The following CNTNAP2 variants were observed in gnomAD, a reference collection of about 807,000 sequenced individuals.
CNTNAP2 encodes the protein contactin-associated protein-like 2.
Under a neutral mutation model 155.2 loss-of-function variants are expected in CNTNAP2, and 98 were observed. That is an observed-to-expected ratio of 0.63 (90% CI 0.54 to 0.75). CNTNAP2 has a LOEUF of 0.75. CNTNAP2 is among the 30% of genes least tolerant of loss of function. The pLI, the probability that CNTNAP2 is intolerant of heterozygous loss-of-function variation, is 0.00. For synonymous variants in CNTNAP2, 651 were observed against 631.2 expected, an observed-to-expected ratio of 1.03 and a Z score of -0.47; for missense variants, 1,727 against 1,688.1, an observed-to-expected ratio of 1.02 and a Z score of -0.40.
chr7:148,308,373 T>A (rs769224125), intron 21 of CNTNAP2, among the ~76,000 whole-genome samples: 7 of 152,080 alleles, frequency 4.6e-5, no homozygotes, highest in Non-Finnish European at 1.0e-4. Flanking sequence ...AACTGTATTC[T>A]CAACAACTAC....
intron 8 of CNTNAP2, among the ~76,000 whole-genome samples, chr7:147,177,007 A>C (rs1194942719): frequency 4.3e-5 from 6 of 141,080 alleles, no homozygotes; most frequent in African/African-American, 8.0e-5. Context: ...ATCTATAATT[A>C]TATATAATTC....
chr7:147,174,365 C>T (rs886201842), intron 8 of CNTNAP2, among the ~76,000 whole-genome samples: 6 of 152,056 alleles, frequency 3.9e-5, no homozygotes, highest in Non-Finnish European at 7.4e-5. Context: ...TCAATCCTTC[C>T]TAATTTTGAC....
Position 147,805,085 on chromosome 7 carries a change from T to TA in CNTNAP2, c.2099-98480_2099-98479insA, listed in dbSNP as rs532802314. Among the ~76,000 whole-genome samples the TA allele has an allele frequency of 5.9e-5, 9 of 152,052 alleles. No individual in the cohort carries two copies. The South Asian group carries it at 1.9e-3, about 32-fold the overall frequency. On this transcript the variant is annotated intron_variant, in intron 13 of 23. Coordinates refer to ENST00000361727, the MANE Select transcript of CNTNAP2 (RefSeq NM_014141.6). ...AAATGATTCAATATCATTTTTTTTT[T>TA]TTTGAGACGGAGCCTGAGTTTTGTT...
intron 1 of CNTNAP2, among the ~76,000 whole-genome samples, chr7:146,559,829 C>T (rs533900209): frequency 7.4e-6 from 1 of 134,614 alleles, no homozygotes; most frequent in East Asian, 2.2e-4. Context: ...TTGATGAATG[C>T]TGTTGTCATT....
intron 4 of CNTNAP2, among the ~76,000 whole-genome samples, chr7:147,076,096 G>A (rs1052821006): frequency 3.3e-5 from 5 of 152,152 alleles, no homozygotes; most frequent in African/African-American, 1.2e-4. Context: ...AAACATACGT[G>A]TGCAAGTGTC....
At position 147,980,572 on chromosome 7, in the gene CNTNAP2, AC is replaced by A. The variant is rs541127445; in HGVS notation, c.2383+2585del. Among the ~76,000 whole-genome samples the A allele has an allele frequency of 3.6e-3, 550 of 152,184 alleles. 4 individuals carry two copies. The highest frequency in any genetic ancestry group is 0.017 in the Middle Eastern group (5 of 294). ...CCAGGCAACCGAGAATAAGTATCCTACCTGGTACTCGAATTGCCTGGTAGCA... is the reference window on the plus strand; with the variant it reads ...CCAGGCAACCGAGAATAAGTATCCTACTGGTACTCGAATTGCCTGGTAGCA... On this transcript the variant is annotated intron_variant, in intron 15 of 23. Coordinates refer to ENST00000361727, the MANE Select transcript of CNTNAP2 (RefSeq NM_014141.6).
chr7:146,495,474 C>T (rs1797200281), intron 1 of CNTNAP2, among the ~76,000 whole-genome samples: 1 of 151,286 alleles, frequency 6.6e-6, no homozygotes, highest in Non-Finnish European at 1.5e-5. Context: ...TTCATCTCCT[C>T]GTTTTCAGTT....
intron 3 of CNTNAP2, among the ~76,000 whole-genome samples, chr7:146,932,387 C>A (rs1174543563): frequency 2.0e-5 from 3 of 151,524 alleles, no homozygotes; most frequent in African/African-American, 4.9e-5. Context: ...AATTCAACAA[C>A]CCTTCATGCT....
intron 1 of CNTNAP2, among the ~76,000 whole-genome samples, chr7:146,323,239 TA>T (rs1463556087): frequency 2.0e-4 from 31 of 152,230 alleles, no homozygotes; most frequent in Admixed American, 2.0e-3. Context: ...TTGAGAATGT[TA>T]TTTTTTTCCT....
intron 1 of CNTNAP2, among the ~76,000 whole-genome samples, chr7:146,774,017 G>T (rs1156600950): frequency 6.6e-6 from 1 of 152,140 alleles, no homozygotes; most frequent in Non-Finnish European, 1.5e-5. Context: ...TTCTCAGATA[G>T]CAAGACTGAG....
In CNTNAP2 at chr7:146,795,264, C is replaced by T. The variant is rs145246587; in HGVS notation, c.208+20883C>T. 5.7e-3 allele frequency among the ~76,000 whole-genome samples: 868 copies of T among 152,246 alleles called. 6 individuals are homozygous for T. Among genetic ancestry groups the T allele is most frequent in the African/African-American group, 0.017 (691 of 41,534 alleles). On this transcript the variant is annotated intron_variant, in intron 2 of 23. Transcript: ENST00000361727. Reference sequence around the variant, plus strand: ...TGATGGTATTTTAAACCATTCAGTTCTGTATATCGACATTTTGCCAACACT... The same window carrying T: ...TGATGGTATTTTAAACCATTCAGTTTTGTATATCGACATTTTGCCAACACT...
chr7:148,269,921 T>A (rs34531576), intron 21 of CNTNAP2, among the ~76,000 whole-genome samples: 54,441 of 152,140 alleles, frequency 0.36, 11,497 homozygotes, highest in East Asian at 0.6. Context: ...TATGATATGG[T>A]GATGTTCCTA....
chr7:147,389,063 A>G (rs1318809622), intron 9 of CNTNAP2, among the ~76,000 whole-genome samples: 1 of 151,974 alleles, frequency 6.6e-6, no homozygotes, highest in Non-Finnish European at 1.5e-5. Flanking sequence ...CCCCTGGACT[A>G]CTCTATCTTC....
At chr7:146,209,200 C>T (rs949899979) in intron 1 of CNTNAP2, among the ~76,000 whole-genome samples, 1 of 152,090 alleles carries the variant, frequency 6.6e-6, no homozygotes, top group East Asian at 1.9e-4. Context: ...TTCAGCCTTC[C>T]ATTGGCCCTC....
chr7:148,029,359 T>G (rs925676398), intron 15 of CNTNAP2, among the ~76,000 whole-genome samples: 1 of 152,200 alleles, frequency 6.6e-6, no homozygotes, highest in South Asian at 2.1e-4. Context: ...GAATTTTTTT[T>G]CTTATGCCGA....
chr7:146,402,221 C>G (rs551253546), intron 1 of CNTNAP2, among the ~76,000 whole-genome samples: 2 of 152,142 alleles, frequency 1.3e-5, no homozygotes, highest in Non-Finnish European at 2.9e-5. Flanking sequence ...AAATTACCAA[C>G]TATTTTATTG....
intron 21 of CNTNAP2, among the ~76,000 whole-genome samples, chr7:148,275,667 G>A (rs552488948): frequency 6.6e-6 from 1 of 152,372 alleles, no homozygotes; most frequent in South Asian, 2.1e-4. Context: ...CCACGAGCCA[G>A]GGGCTGAGTT....
chr7:147,694,058 T>C (rs1193855751), intron 13 of CNTNAP2, among the ~76,000 whole-genome samples: 4 of 152,092 alleles, frequency 2.6e-5, no homozygotes, highest in Admixed American at 6.6e-5. Flanking sequence ...TGTTTTTTAA[T>C]CATGAGTGGG....
intron 1 of CNTNAP2, among the ~76,000 whole-genome samples, chr7:146,755,257 T>A (rs1801975297): frequency 1.3e-5 from 2 of 151,974 alleles, no homozygotes; most frequent in African/African-American, 4.8e-5. Context: ...CAGAGATGAA[T>A]CAGACACAGT....
Sources: allele counts gnomAD v4.1 joint callset (sites outside exome capture counted in the v4.1 genomes callset), GRCh38; gene constraint gnomAD v4.1.1; transcripts MANE v1.5; gene names NCBI Gene and HGNC (gene_info 2026-07-23, HGNC 2026-07-21).